Variants in HMCN1 observed in about 807,000 individuals in gnomAD.
HMCN1 encodes hemicentin 1.
In HMCN1, 321 loss-of-function variants were observed where a neutral mutation model predicts 625.9. That is an observed-to-expected ratio of 0.51 (90% CI 0.47 to 0.56). HMCN1 has a LOEUF of 0.56. Among genes scored for constraint, HMCN1 ranks in the 20% least tolerant of loss-of-function variants. The probability of loss-of-function intolerance (pLI) is 0.00; values close to 1 mark genes in which losing one functional copy is unlikely to be tolerated. For synonymous variants in HMCN1, 2,425 were observed against 2,417.6 expected, an observed-to-expected ratio of 1.00 and a Z score of -0.09; for missense variants, 6,588 against 6,887.3, an observed-to-expected ratio of 0.96 and a Z score of 1.54.
At chr1:186,052,073 A>C (rs1203109467) in intron 42 of HMCN1, among the ~76,000 whole-genome samples, 1 of 152,036 alleles carries the variant, frequency 6.6e-6, no homozygotes, top group African/African-American at 2.4e-5. Flanking sequence ...GCTTAGTATG[A>C]AAAGTGTAAG....
At chr1:185,876,267 A>C (rs1013141193) in intron 4 of HMCN1, among the ~76,000 whole-genome samples, 5 of 152,086 alleles carry the variant, frequency 3.3e-5, no homozygotes, top group Non-Finnish European at 7.4e-5. Context: ...ATAGCAGAAT[A>C]GTATTCTATA....
intron 40 of HMCN1, among the ~76,000 whole-genome samples, chr1:186,044,811 T>C (rs1295504161): frequency 6.6e-6 from 1 of 152,136 alleles, no homozygotes; most frequent in African/African-American, 2.4e-5. Flanking sequence ...CATACAGGCC[T>C]GAAAGAGTCC....
intron 1 of HMCN1, among the ~76,000 whole-genome samples, chr1:185,845,159 A>G (rs1454382849): frequency 2.0e-4 from 30 of 152,228 alleles, no homozygotes; most frequent in Admixed American, 2.0e-3. Context: ...AAAAAAAGTT[A>G]TAGGGACTAT....
intron 30 of HMCN1, among the ~76,000 whole-genome samples, chr1:186,014,480 A>T (rs189019625): frequency 4.3e-4 from 66 of 152,194 alleles, no homozygotes; most frequent in African/African-American, 1.2e-3. Flanking sequence ...TTGCAATGAT[A>T]GCATGATCCT....
At chr1:186,147,087 T>G (rs1650360188) in intron 93 of HMCN1, among the ~76,000 whole-genome samples, 1 of 152,208 alleles carries the variant, frequency 6.6e-6, no homozygotes, top group Non-Finnish European at 1.5e-5. Context: ...TCTACTTTCC[T>G]ACATCATCTT....
At position 186,057,356 on chromosome 1, in the gene HMCN1, G is replaced by A; in HGVS notation, c.7267G>A (p.Asp2423Asn). Residue 2423 changes from aspartate to asparagine, a missense_variant, in exon 46 of 107, where the codon GAT (aspartate) becomes AAT (asparagine). Asp to Asn is a conservative substitution (Grantham distance 23). This residue lies in a region of HMCN1 where 4,628 missense variants were observed against 4,853.1 expected (regional missense o/e 0.95). Transcript: ENST00000271588. ...CCTGCCTTCCATAACCTGGTTCAAA[G>A]ATGGGTGGCCTGTCAGCCTTAGCAA... The part of the protein sequence containing the change: ...IPLPSITWFK[D>N]GWPVSLSNSV... 6.2e-7 allele frequency: 1 copy of A among 1,611,300 alleles called. No individual in the cohort carries two copies. Among genetic ancestry groups the A allele is most frequent in the Non-Finnish European group, 8.5e-7 (1 of 1,177,806 alleles).
chr1:185,784,870 C>T (rs1156672351), intron 1 of HMCN1, among the ~76,000 whole-genome samples: 1 of 152,182 alleles, frequency 6.6e-6, no homozygotes, highest in Non-Finnish European at 1.5e-5. Context: ...TTTTATGCCC[C>T]TTCTCTGCCA....
chr1:185,755,732 G>T (rs993182062), intron 1 of HMCN1, among the ~76,000 whole-genome samples: 2 of 152,180 alleles, frequency 1.3e-5, no homozygotes, highest in Non-Finnish European at 1.5e-5. Context: ...TGATGAGAGT[G>T]AGAAGGGATT....
intron 75 of HMCN1, among the ~76,000 whole-genome samples, chr1:186,116,125 A>G (rs909672726): frequency 3.9e-5 from 6 of 152,150 alleles, no homozygotes; most frequent in Admixed American, 1.3e-4. Flanking sequence ...TTGAAATTCT[A>G]TCATGTCTCT....
chr1:186,013,648 A>G (rs1654142581), intron 30 of HMCN1, among the ~76,000 whole-genome samples: 1 of 152,150 alleles, frequency 6.6e-6, no homozygotes, highest in Non-Finnish European at 1.5e-5. Context: ...ATGATGCTGG[A>G]GCATGTAGTA....
At chr1:185,762,248 A>T (rs1655559552) in intron 1 of HMCN1, among the ~76,000 whole-genome samples, 1 of 152,160 alleles carries the variant, frequency 6.6e-6, no homozygotes, top group Non-Finnish European at 1.5e-5. Flanking sequence ...TAAGATCTCC[A>T]TATATTTTTT....
At chr1:186,113,526 CA>C (rs1299569762) in intron 72 of HMCN1, among the ~76,000 whole-genome samples, 1 of 152,158 alleles carries the variant, frequency 6.6e-6, no homozygotes, top group Non-Finnish European at 1.5e-5. Flanking sequence ...ACTCAATGAT[CA>C]ATAAAATGCA....
chr1:185,991,286 TAAG>T (rs1319595541), intron 22 of HMCN1, among the ~76,000 whole-genome samples: 1 of 152,188 alleles, frequency 6.6e-6, no homozygotes. Flanking sequence ...GGAAAAAAAT[TAAG>T]AAGGACTTTA....
At chr1:185,946,411 T>C (rs957838241) in intron 11 of HMCN1, among the ~76,000 whole-genome samples, 1 of 152,212 alleles carries the variant, frequency 6.6e-6, no homozygotes, top group South Asian at 2.1e-4. Flanking sequence ...TGTACATATG[T>C]GTAAAACTTC....
chr1:185,871,712 T>C (rs1663630692), intron 4 of HMCN1, among the ~76,000 whole-genome samples: 1 of 152,144 alleles, frequency 6.6e-6, no homozygotes, highest in African/African-American at 2.4e-5. Context: ...ACTGGACTTA[T>C]TTCTCTTGCT....
intron 105 of HMCN1, among the ~76,000 whole-genome samples, chr1:186,185,079 G>C (rs1653195468): frequency 6.6e-6 from 1 of 152,106 alleles, no homozygotes. Flanking sequence ...CTTTTTAATA[G>C]AAAGTGTATA....
At chr1:186,178,845 T>TTGAG in intron 104 of HMCN1, 79 bp downstream of exon 104, 1 of 974,728 alleles carries the variant, frequency 1.0e-6, no homozygotes, top group Non-Finnish European at 1.7e-6. Context: ...CTGTGATTGT[T>TTGAG]TGAGTGCAGT....
chr1:186,136,018 A>T (rs1279328513), intron 86 of HMCN1, among the ~76,000 whole-genome samples: 2 of 152,178 alleles, frequency 1.3e-5, no homozygotes, highest in African/African-American at 4.8e-5. Context: ...TGGTAAAAGA[A>T]TGAGTTAATT....
chr1:185,859,061 GTA>G (rs1361430366), intron 2 of HMCN1, among the ~76,000 whole-genome samples: 5 of 110,058 alleles, frequency 4.5e-5, no homozygotes, highest in Admixed American at 9.4e-5. Context: ...GTGTGTGTGT[GTA>G]TGTATACATA....
Sources: gnomAD v4.1 joint callset for allele counts (sites outside exome capture counted in the v4.1 genomes callset) on GRCh38, gnomAD v4.1.1 for gene constraint, gnomAD v4.1.1 regional missense constraint, MANE v1.5 for transcripts, NCBI Gene and HGNC (gene_info 2026-07-23, HGNC 2026-07-21) for gene names.